Variants in SGK3 observed in about 807,000 individuals in gnomAD.
SGK3 encodes serine/threonine-protein kinase Sgk3.
A neutral mutation model predicts 68.5 loss-of-function variants in SGK3; 47 were observed. The ratio of observed to expected loss-of-function variants is 0.69; its 90% CI spans 0.54 to 0.87. SGK3 has a LOEUF of 0.87. Among genes scored for constraint, SGK3 ranks in the 40% least tolerant of loss-of-function variants. SGK3 has a pLI of 0.00. For synonymous variants in SGK3, 181 were observed against 189.1 expected (o/e 0.96, Z 0.35); for missense variants, 479 against 575.5 (o/e 0.83, Z 1.72).
intron 1 of SGK3, among the ~76,000 whole-genome samples, chr8:66,729,005 G>C (rs1805060105): frequency 6.6e-6 from 1 of 151,686 alleles, no homozygotes; most frequent in South Asian, 2.1e-4. Flanking sequence ...GGATCACAAG[G>C]TCAGGAGATG....
In SGK3 at chr8:66,851,036, T is replaced by G. The variant is rs181335890; in HGVS notation, c.1320+116T>G. The G allele has an allele frequency of 9.6e-5, 106 of 1,105,070 alleles. No homozygotes were observed. The East Asian group carries it at 2.6e-3, about 27-fold the overall frequency. 68.5% of individuals were successfully genotyped at this position (1,105,070 alleles called of 1,614,324 possible). A position where few individuals can be genotyped will look rare whatever the true frequency, so the allele number is the denominator to read the frequency against. ...ATTAAATGGAGTCATTACCTAAATA[T>G]TTGTGAAATATGTCACTCAGGGTTG... On this transcript the variant is annotated intron_variant, in intron 16 of 16. Transcript: ENST00000521198.
intron 8 of SGK3, among the ~76,000 whole-genome samples, chr8:66,832,218 C>T (rs1454952938): frequency 1.3e-5 from 2 of 151,922 alleles, no homozygotes; most frequent in Middle Eastern, 6.4e-3. Flanking sequence ...TATAGCCATA[C>T]CAAGGAAGGA....
At chr8:66,845,626 G>C (rs1809977528) in intron 14 of SGK3, among the ~76,000 whole-genome samples, 1 of 152,040 alleles carries the variant, frequency 6.6e-6, no homozygotes, top group South Asian at 2.1e-4. Context: ...CCCAGGCTCT[G>C]ATGCTTCTCC....
intron 1 of SGK3, among the ~76,000 whole-genome samples, chr8:66,749,249 C>T (rs1307415809): frequency 1.3e-5 from 2 of 152,072 alleles, no homozygotes; most frequent in Admixed American, 1.3e-4. Context: ...TGCGGTGGCT[C>T]ACACCTGTAA....
intron 1 of SGK3, among the ~76,000 whole-genome samples, chr8:66,749,341 A>G (rs1805745328): frequency 6.6e-6 from 1 of 152,062 alleles, no homozygotes; most frequent in African/African-American, 2.4e-5. Flanking sequence ...GTGAAACTCC[A>G]TCTCTACCCA....
intron 1 of SGK3, among the ~76,000 whole-genome samples, chr8:66,729,749 T>G (rs2130363369): frequency 6.6e-6 from 1 of 151,960 alleles, no homozygotes; most frequent in East Asian, 1.9e-4. Flanking sequence ...ATTTATTTAT[T>G]TATTTATTTA....
At chr8:66,790,502 G>T (rs942926396) in intron 1 of SGK3, among the ~76,000 whole-genome samples, 3 of 152,178 alleles carry the variant, frequency 2.0e-5, no homozygotes, top group Non-Finnish European at 4.4e-5. Context: ...GTCCTTTCCA[G>T]CCAGTGCCGT....
intron 1 of SGK3, chr8:66,767,973 G>C (rs768362383): frequency 1.1e-5 from 9 of 850,874 alleles, no homozygotes; most frequent in African/African-American, 1.6e-5. Flanking sequence ...CTGGTTCTTC[G>C]TTTTCCTTAT....
chr8:66,714,244 CAAAT>C (rs1012868614), intron 1 of SGK3, among the ~76,000 whole-genome samples: 1 of 152,166 alleles, frequency 6.6e-6, no homozygotes, highest in Non-Finnish European at 1.5e-5. Flanking sequence ...ATCAACATAA[CAAAT>C]AACGTTTTGT....
intron 1 of SGK3, among the ~76,000 whole-genome samples, chr8:66,730,756 C>T (rs1805127047): frequency 6.6e-6 from 1 of 152,098 alleles, no homozygotes; most frequent in Non-Finnish European, 1.5e-5. Flanking sequence ...CAGCTCACTG[C>T]AGCCTCCCCC....
chr8:66,737,198 A>G (rs1174708459), intron 1 of SGK3: 1 of 151,888 alleles, frequency 6.6e-6, no homozygotes, highest in Non-Finnish European at 1.5e-5. Context: ...AAAGGAAGAT[A>G]TGTAACACAA....
intron 1 of SGK3, among the ~76,000 whole-genome samples, chr8:66,774,012 A>T (rs139408836): frequency 3.9e-5 from 6 of 152,258 alleles, no homozygotes; most frequent in Non-Finnish European, 7.4e-5. Flanking sequence ...TTTTTCTAAA[A>T]ATTCCCAATT....
chr8:66,723,243 C>T (rs1172896698), intron 1 of SGK3, among the ~76,000 whole-genome samples: 5 of 142,936 alleles, frequency 3.5e-5, no homozygotes, highest in Middle Eastern at 4.0e-3. Context: ...GTTGGGAGTT[C>T]GAGACCAGCC....
At chr8:66,839,331 G>A (rs1306637708) in intron 10 of SGK3, among the ~76,000 whole-genome samples, 6 of 150,486 alleles carry the variant, frequency 4.0e-5, no homozygotes, top group East Asian at 2.0e-4. Flanking sequence ...AGCTGCAGCC[G>A]GTTGCTGCTG....
At chr8:66,844,857 C>T (rs1809944341) in intron 14 of SGK3, among the ~76,000 whole-genome samples, 1 of 152,192 alleles carries the variant, frequency 6.6e-6, no homozygotes, top group African/African-American at 2.4e-5. Flanking sequence ...TCTTCTTTGC[C>T]CTTGACTGTG....
In SGK3 at chr8:66,802,306, G is replaced by T. The variant is rs532704778; in HGVS notation, c.181-2069G>T. Among the ~76,000 whole-genome samples, 5 of 152,076 alleles carry T rather than the reference G, an allele frequency of 3.3e-5. No homozygotes were observed. In the East Asian group the frequency reaches 5.8e-4, roughly 18 times the overall value. ...ATTTTTCTGTCCTTTTAGAATAAAAGAAAAGAAAAAAATCTCTAGGCATTT... is the reference window on the plus strand; with the variant it reads ...ATTTTTCTGTCCTTTTAGAATAAAATAAAAGAAAAAAATCTCTAGGCATTT... On this transcript the variant is annotated intron_variant, in intron 3 of 16. Coordinates refer to ENST00000521198, the MANE Select transcript of SGK3 (RefSeq NM_001033578.3).
intron 1 of SGK3, among the ~76,000 whole-genome samples, chr8:66,753,883 G>A (rs1469774732): frequency 6.6e-6 from 1 of 152,134 alleles, no homozygotes; most frequent in Admixed American, 6.6e-5. Flanking sequence ...AAATATTCTA[G>A]CCACTCATTT....
At chr8:66,724,206 C>T (rs1034518180) in intron 1 of SGK3, among the ~76,000 whole-genome samples, 1 of 152,266 alleles carries the variant, frequency 6.6e-6, no homozygotes, top group African/African-American at 2.4e-5. Context: ...TCTCAAACTC[C>T]TGGCCTCAAG....
intron 1 of SGK3, among the ~76,000 whole-genome samples, chr8:66,714,056 C>T (rs1382916677): frequency 1.3e-5 from 2 of 152,190 alleles, no homozygotes; most frequent in Non-Finnish European, 2.9e-5. Context: ...CTGGAGACAC[C>T]AGAACTTCCC....
Sources: gnomAD v4.1 joint callset for allele counts (sites outside exome capture counted in the v4.1 genomes callset) on GRCh38, gnomAD v4.1.1 for gene constraint, MANE v1.5 for transcripts, NCBI Gene and HGNC (gene_info 2026-07-23, HGNC 2026-07-21) for gene names.